Variants in PEX14 observed in about 807,000 individuals in gnomAD.
PEX14 encodes the protein peroxisomal membrane protein PEX14.
A neutral mutation model predicts 49.5 loss-of-function variants in PEX14; 15 were observed. The ratio of observed to expected loss-of-function variants is 0.30; its 90% CI spans 0.20 to 0.47. PEX14 has a LOEUF of 0.47. Among genes scored for constraint, PEX14 ranks in the 20% least tolerant of loss-of-function variants. PEX14 has a pLI of 1.00. For missense variants in PEX14, 398 were observed against 494.8 expected, an observed-to-expected ratio of 0.80 and a Z score of 1.86; for synonymous variants, 210 against 212.7, an observed-to-expected ratio of 0.99 and a Z score of 0.11.
At chr1:10,583,383 CTTT>C (rs34977896) in intron 3 of PEX14, among the ~76,000 whole-genome samples, 4 of 127,916 alleles carry the variant, frequency 3.1e-5, no homozygotes, top group African/African-American at 5.7e-5. Flanking sequence ...TTGCACCCAG[CTTT>C]TTTTTTTTTT....
chr1:10,622,977 C>G (rs769585277), intron 5 of PEX14, 42 bp from the exon 6 acceptor site: 2 of 1,342,980 alleles, frequency 1.5e-6, no homozygotes, highest in African/African-American at 2.9e-5. Flanking sequence ...GAGGATAACC[C>G]CGGGTCCGTA....
At chr1:10,598,525 T>C (rs1640891460) in intron 3 of PEX14, among the ~76,000 whole-genome samples, 1 of 152,210 alleles carries the variant, frequency 6.6e-6, no homozygotes, top group South Asian at 2.1e-4. Context: ...CACTTCCTGA[T>C]GTCCCATGTA....
At chr1:10,491,269 T>C (rs1220298931) in intron 1 of PEX14, among the ~76,000 whole-genome samples, 7 of 152,236 alleles carry the variant, frequency 4.6e-5, no homozygotes, top group Admixed American at 1.3e-4. Flanking sequence ...GTGTGGTGGC[T>C]CACATTTGTA....
In PEX14 at chr1:10,629,510, C is replaced by T. The variant is rs1337929563; in HGVS notation, c.678-21C>T. 2.5e-6 allele frequency: 4 copies of T among 1,569,610 alleles called. No homozygotes were observed. Among genetic ancestry groups the T allele is most frequent in the South Asian group, 2.2e-5 (2 of 90,216 alleles). On this transcript the variant is annotated intron_variant, in intron 8 of 8. Coordinates refer to ENST00000356607, the MANE Select transcript of PEX14 (RefSeq NM_004565.3). This position sits in a 1 kb window ranked among gnomAD's most constrained non-coding sequence, Gnocchi z 8.5. ...CGTCCTGAATGCCGCCACCAACCTC[C>T]TCCCCTTCTTCTCCCTCTAGGAGGC...
At chr1:10,477,219 C>T (rs979219245) in intron 1 of PEX14, among the ~76,000 whole-genome samples, 2 of 151,902 alleles carry the variant, frequency 1.3e-5, no homozygotes, top group African/African-American at 2.4e-5. Flanking sequence ...TACAGGCGCC[C>T]GCCACCATGC....
Position 10,495,008 on chromosome 1 carries a change from C to T in PEX14, c.37-266C>T, listed in dbSNP as rs147281625. ...TTGCTGCTCAGTAGGTGATCGTGGGCCTTCCTGAGCAGAACCAAGCCTTGT... is the reference window on the plus strand; with the variant it reads ...TTGCTGCTCAGTAGGTGATCGTGGGTCTTCCTGAGCAGAACCAAGCCTTGT... On this transcript the variant is annotated intron_variant, in intron 1 of 8. Coordinates refer to ENST00000356607, the MANE Select transcript of PEX14 (RefSeq NM_004565.3). This position sits in a 1 kb window ranked among gnomAD's most constrained non-coding sequence, Gnocchi z 4.2. 5 of 627,082 alleles carry T rather than the reference C, an allele frequency of 8.0e-6. No homozygotes were observed. Among genetic ancestry groups the T allele is most frequent in the Non-Finnish European group, 9.9e-6 (5 of 502,604 alleles). The allele number at this position is 627,082 out of a possible 1,614,324, so 38.8% of individuals were successfully genotyped here. A position where few individuals can be genotyped will look rare whatever the true frequency, so the allele number is the denominator to read the frequency against.
intron 3 of PEX14, among the ~76,000 whole-genome samples, chr1:10,556,681 T>TG (rs1639500244): frequency 6.6e-6 from 1 of 151,882 alleles, no homozygotes; most frequent in Admixed American, 6.6e-5. Context: ...TGCTTGTCTT[T>TG]GGGGCATTTC....
At chr1:10,627,644 C>T (rs566647900) in intron 8 of PEX14, among the ~76,000 whole-genome samples, 2 of 152,372 alleles carry the variant, frequency 1.3e-5, no homozygotes, top group Non-Finnish European at 2.9e-5. Context: ...AAAAGCAGGG[C>T]CCTTGGAGCA....
intron 3 of PEX14, among the ~76,000 whole-genome samples, chr1:10,547,859 A>AGT (rs1167871303): frequency 9.2e-5 from 14 of 152,230 alleles, no homozygotes; most frequent in African/African-American, 3.1e-4. Context: ...ATATACTTCC[A>AGT]GTTTGTCCAA....
chr1:10,616,602 T>A (rs1236182456), intron 4 of PEX14, among the ~76,000 whole-genome samples: 1 of 152,104 alleles, frequency 6.6e-6, no homozygotes, highest in African/African-American at 2.4e-5. Flanking sequence ...TGATGACAGA[T>A]CCTTCGGGGG....
chr1:10,507,495 C>T (rs1477446562), intron 2 of PEX14, among the ~76,000 whole-genome samples: 1 of 152,190 alleles, frequency 6.6e-6, no homozygotes, highest in African/African-American at 2.4e-5. Context: ...CCTCCTTGTG[C>T]TCAGAGGAGG....
At chr1:10,540,875 C>T (rs569688449) in intron 3 of PEX14, among the ~76,000 whole-genome samples, 19 of 152,168 alleles carry the variant, frequency 1.2e-4, no homozygotes, top group Admixed American at 9.2e-4. Context: ...GGCTGTCTGG[C>T]CCTTCTGATT....
intron 4 of PEX14, among the ~76,000 whole-genome samples, chr1:10,608,061 G>T (rs546732894): frequency 1.3e-5 from 2 of 152,034 alleles, no homozygotes; most frequent in Non-Finnish European, 2.9e-5. Context: ...TCTACCTCAC[G>T]GGCTCAAGTG....
chr1:10,629,981 G>C lies in PEX14; in HGVS notation c.1128G>C (p.Arg376=), dbSNP rs772300180. The C allele has an allele frequency of 8.1e-6, 13 of 1,609,222 alleles. No homozygotes were observed. The South Asian group carries it at 1.4e-4, about 18-fold the overall frequency. ...AGGGCGCCAGCAACGAGAGTGAGCGGGACTAGGGCTGCGCCTGCTGCCTCC... is the reference window on the plus strand; with the variant it reads ...AGGGCGCCAGCAACGAGAGTGAGCGCGACTAGGGCTGCGCCTGCTGCCTCC... ...RPEGASNESE[R]D Residue 376 remains arginine (R), a synonymous_variant, in exon 9 of 9, where the codon CGG becomes CGC. Coordinates refer to ENST00000356607, the MANE Select transcript of PEX14 (RefSeq NM_004565.3). This position sits in a 1 kb window ranked among gnomAD's most constrained non-coding sequence, Gnocchi z 8.5.
chr1:10,586,683 A>G (rs537314920), intron 3 of PEX14, among the ~76,000 whole-genome samples: 1 of 115,778 alleles, frequency 8.6e-6, no homozygotes, highest in African/African-American at 3.3e-5. Flanking sequence ...TCTGTTGCCC[A>G]GGCTGGAGTG....
chr1:10,595,333 C>G (rs556011449), intron 3 of PEX14, among the ~76,000 whole-genome samples: 1 of 152,336 alleles, frequency 6.6e-6, no homozygotes, highest in East Asian at 1.9e-4. Flanking sequence ...CTCAGAGAAG[C>G]TCCCTCGTCC....
At chr1:10,585,114 T>C (rs1370664290) in intron 3 of PEX14, among the ~76,000 whole-genome samples, 1 of 152,166 alleles carries the variant, frequency 6.6e-6, no homozygotes, top group Non-Finnish European at 1.5e-5. Flanking sequence ...CTTTCACCCT[T>C]AATTGAGGAT....
At position 10,590,031 on chromosome 1, in the gene PEX14, GTA is replaced by G. The variant is rs536838305; in HGVS notation, c.170-9206_170-9205del. On this transcript the variant is annotated intron_variant, in intron 3 of 8. Transcript: ENST00000356607. ...ACCCCCGCCCCATGCTGTATAGAGA[GTA>G]GTGCTGAGGAGCCTGGGCCTGGGGT... 3.7e-4 allele frequency among the ~76,000 whole-genome samples: 56 copies of G among 152,352 alleles called. No individual in the cohort carries two copies. In the East Asian group the frequency reaches 9.6e-3, roughly 26 times the overall value.
intron 3 of PEX14, among the ~76,000 whole-genome samples, chr1:10,583,767 G>A (rs908577685): frequency 5.9e-5 from 9 of 152,086 alleles, no homozygotes; most frequent in African/African-American, 1.9e-4. Flanking sequence ...AAAACTTGAA[G>A]AAAACGAGGA....
Sources: allele counts gnomAD v4.1 joint callset (sites outside exome capture counted in the v4.1 genomes callset), GRCh38; gene constraint gnomAD v4.1.1; non-coding constraint Gnocchi (gnomAD v3.1); transcripts MANE v1.5; gene names NCBI Gene and HGNC (gene_info 2026-07-23, HGNC 2026-07-21).